SLC36A3: variants seen among roughly 807,000 people sequenced by gnomAD.
SLC36A3 encodes the protein solute carrier family 36 member 3.
Under a neutral mutation model 44.3 loss-of-function variants are expected in SLC36A3, and 35 were observed. The observed-to-expected ratio is 0.79, with a 90% CI of 0.60 to 1.05. The LOEUF is 1.05. SLC36A3 is among the 50% of genes least tolerant of loss of function. The pLI, the probability that SLC36A3 is intolerant of heterozygous loss-of-function variation, is 0.00. For missense variants in SLC36A3, 540 were observed against 578.7 expected (o/e 0.93, Z 0.69); for synonymous variants, 211 against 227.6 (o/e 0.93, Z 0.66).
Position 151,287,307 on chromosome 5 carries a change from G to A in SLC36A3, c.647C>T (p.Ser216Leu), listed in dbSNP as rs111989476. Reference protein sequence around the residue: ...IQNLKVLSVFSTLANITTLGS... With the variant: ...IQNLKVLSVFLTLANITTLGS... ...AAGGGTGGTGATGTTGGCCAATGTC[G>A]AGAAGACGGACAGCACCTTGAGGTT... The change falls in exon 6 of 10, where the codon TCG becomes TTG. Residue 216 changes from serine to leucine, a missense_variant. Transcript: ENST00000335230. 3 of 1,614,098 alleles carry A rather than the reference G, an allele frequency of 1.9e-6. No individual in the cohort carries two copies. The highest frequency in any genetic ancestry group is 1.3e-5 in the African/African-American group (1 of 74,992).
intron 2 of SLC36A3, chr5:151,297,425 CAG>C (rs1754994621): frequency 6.6e-6 from 1 of 152,216 alleles, no homozygotes. Context: ...GAAGTCATGA[CAG>C]AGGCAGCAAG....
chr5:151,281,204 T>C (rs763835637), intron 8 of SLC36A3, 21 bp from the exon 9 acceptor site: 2 of 1,589,792 alleles, frequency 1.3e-6, no homozygotes, highest in Admixed American at 1.7e-5. Context: ...ATGAATTGGA[T>C]GTGAAAGGTG....
At chr5:151,287,495 G>C in intron 5 of SLC36A3, 31 bp from the exon 6 acceptor site, 1 of 1,599,020 alleles carries the variant, frequency 6.3e-7, no homozygotes, top group Non-Finnish European at 8.6e-7. Flanking sequence ...AGGCAGTGTG[G>C]TTGCTACGTA....
At chr5:151,279,604 C>T (rs1010821316) in intron 9 of SLC36A3, among the ~76,000 whole-genome samples, 1 of 152,234 alleles carries the variant, frequency 6.6e-6, no homozygotes, top group Non-Finnish European at 1.5e-5. Flanking sequence ...GCTCCTCAGT[C>T]TTTCTTGTCA....
intron 9 of SLC36A3, among the ~76,000 whole-genome samples, chr5:151,279,474 G>A (rs2127252041): frequency 6.6e-6 from 1 of 152,318 alleles, no homozygotes; most frequent in Non-Finnish European, 1.5e-5. Context: ...AAAGGGTAAA[G>A]GGTAATAGAA....
Position 151,276,972 on chromosome 5 carries a change from C to G in SLC36A3, c.*421G>C, listed in dbSNP as rs1220213555. 1 of 185,606 alleles carries G rather than the reference C, an allele frequency of 5.4e-6. No individual in the cohort carries two copies. Among genetic ancestry groups the G allele is most frequent in the African/African-American group, 2.4e-5 (1 of 42,300 alleles). The allele number at this position is 185,606 out of a possible 1,614,324, so 11.5% of individuals were successfully genotyped here. A position where few individuals can be genotyped will look rare whatever the true frequency, so the allele number is the denominator to read the frequency against. On this transcript the variant is annotated 3_prime_UTR_variant, in exon 10 of 10. Coordinates refer to ENST00000335230, the MANE Select transcript of SLC36A3 (RefSeq NM_181774.4). ...TTTTGTTCTGTCTATGACTCTTCTA[C>G]TTAGAATATCTAAATAGAAAACTCC...
chr5:151,280,869 G>A (rs917943711), intron 9 of SLC36A3, 145 bp downstream of exon 9: 17 of 801,428 alleles, frequency 2.1e-5, no homozygotes, highest in East Asian at 1.9e-4. Flanking sequence ...TTTTTTTCAC[G>A]TGGAAAAATT....
intron 9 of SLC36A3, among the ~76,000 whole-genome samples, chr5:151,277,907 C>A (rs1754156615): frequency 6.6e-6 from 1 of 151,986 alleles, no homozygotes; most frequent in Non-Finnish European, 1.5e-5. Flanking sequence ...GCTCTTCTAC[C>A]ACTTACCTGT....
At chr5:151,280,857 CT>C (rs926779644) in intron 9 of SLC36A3, among the ~76,000 whole-genome samples, 156 bp downstream of exon 9, 12 of 152,098 alleles carry the variant, frequency 7.9e-5, no homozygotes, top group African/African-American at 1.7e-4. Flanking sequence ...CTGTTAAGCC[CT>C]TTTTTTTCAC....
In SLC36A3 at chr5:151,303,233, C is replaced by G. The variant is rs1213535087; in HGVS notation, c.122G>C (p.Gly41Ala). 1 of 1,612,722 alleles carries G rather than the reference C, an allele frequency of 6.2e-7. No homozygotes were observed. Among genetic ancestry groups the G allele is most frequent in the East Asian group, 2.2e-5 (1 of 44,884 alleles). Residue 41 changes from glycine (G) to alanine (A), a missense_variant, in exon 1 of 10, where the codon GGA (glycine) becomes GCA (alanine). By Grantham distance (60) the Gly-to-Ala change is moderately conservative. Coordinates refer to ENST00000335230, the MANE Select transcript of SLC36A3 (RefSeq NM_181774.4). The part of the protein sequence containing the change: ...SENVHPAGEA[G>A]LSMMQTLIHL... ...GGGCGGTGCGGCCACTTACGATAGT[C>G]CAGCTTCTCCAGCAGGATGGACATT...
chr5:151,294,541 A>C (rs1355361828), intron 3 of SLC36A3, among the ~76,000 whole-genome samples: 1 of 152,204 alleles, frequency 6.6e-6, no homozygotes, highest in African/African-American at 2.4e-5. Context: ...GCTCAGAAGC[A>C]GTCGGTTGTC....
rs1380242917 is a variant in SLC36A3, at chr5:151,303,412, G to GC, written c.-59_-58insG. The GC allele has an allele frequency of 5.8e-6, 9 of 1,555,394 alleles. No individual in the cohort carries two copies. The highest frequency in any genetic ancestry group is 7.9e-6 in the Non-Finnish European group (9 of 1,142,602). The stretch of plus-strand genomic sequence containing the variant: ...GGGTTAAGGCTCTGAATGAGCCTCT[G>GC]ATGGGTCTTTCTCCAGAGAAACCAT... On this transcript the variant is annotated 5_prime_UTR_variant, in exon 1 of 10. In the 5' UTR this introduces an upstream ATG that the reference lacks. Coordinates refer to ENST00000335230, the MANE Select transcript of SLC36A3 (RefSeq NM_181774.4).
chr5:151,298,359 G>A, intron 2 of SLC36A3: 1 of 481,752 alleles, frequency 2.1e-6, no homozygotes, highest in South Asian at 2.9e-5. Flanking sequence ...GGAGAATTGT[G>A]GCAAAGTAGA....
At chr5:151,283,232 T>A (rs1025358080) in intron 8 of SLC36A3, among the ~76,000 whole-genome samples, 1 of 152,252 alleles carries the variant, frequency 6.6e-6, no homozygotes, top group Non-Finnish European at 1.5e-5. Flanking sequence ...TCTGGCCATT[T>A]TTTTTTATTT....
chr5:151,299,282 A>C (rs1580827086), intron 1 of SLC36A3, among the ~76,000 whole-genome samples: 1 of 142,700 alleles, frequency 7.0e-6, no homozygotes, highest in Non-Finnish European at 1.5e-5. Context: ...ATATATATAT[A>C]TATATATATG....
intron 9 of SLC36A3, among the ~76,000 whole-genome samples, chr5:151,278,883 A>G (rs1440442658): frequency 1.3e-5 from 2 of 152,256 alleles, no homozygotes; most frequent in Non-Finnish European, 2.9e-5. Context: ...ACATGCAAGA[A>G]AAGCTATAAT....
chr5:151,296,549 A>C, intron 2 of SLC36A3: 1 of 476,560 alleles, frequency 2.1e-6, no homozygotes, highest in Non-Finnish European at 3.8e-6. Flanking sequence ...CTTGAGTTCT[A>C]CCAGTTTAGA....
chr5:151,282,411 G>T (rs1355078955), intron 8 of SLC36A3, among the ~76,000 whole-genome samples: 2 of 151,918 alleles, frequency 1.3e-5, no homozygotes, highest in African/African-American at 4.8e-5. Flanking sequence ...CAGGTGATAC[G>T]CCCTCCTCGG....
chr5:151,286,384 A>C (rs1326391355), intron 6 of SLC36A3, among the ~76,000 whole-genome samples: 1 of 152,160 alleles, frequency 6.6e-6, no homozygotes, highest in Non-Finnish European at 1.5e-5. Context: ...CCTTGACCTC[A>C]TGGGCTCAGG....
Sources: gnomAD v4.1 joint callset for allele counts (sites outside exome capture counted in the v4.1 genomes callset) on GRCh38, gnomAD v4.1.1 for gene constraint, MANE v1.5 for transcripts, NCBI Gene and HGNC (gene_info 2026-07-23, HGNC 2026-07-21) for gene names.